Variants in RAD51B observed in about 807,000 individuals in gnomAD.
RAD51B encodes the protein DNA repair protein RAD51 homolog 2.
A neutral mutation model predicts 42.2 loss-of-function variants in RAD51B; 38 were observed. The ratio of observed to expected loss-of-function variants is 0.90; its 90% CI spans 0.70 to 1.18. The LOEUF is 1.18. RAD51B is among the 50% of genes most tolerant of loss of function. The pLI is 0.00. For synonymous variants in RAD51B, 154 were observed against 145.2 expected (o/e 1.06, Z -0.43); for missense variants, 373 against 400.7 (o/e 0.93, Z 0.59).
At chr14:68,058,659 C>T (rs759357047) in intron 7 of RAD51B, among the ~76,000 whole-genome samples, 2 of 152,128 alleles carry the variant, frequency 1.3e-5, no homozygotes, top group African/African-American at 4.8e-5. Context: ...TTTAACCAAA[C>T]ATTATTGCTG....
chr14:68,643,487 G>A (rs1251416618), intron 10 of RAD51B, among the ~76,000 whole-genome samples: 1 of 152,206 alleles, frequency 6.6e-6, no homozygotes, highest in Non-Finnish European at 1.5e-5. Context: ...AGAGGAGGAT[G>A]GGAGTGGTGG....
intron 7 of RAD51B, among the ~76,000 whole-genome samples, chr14:67,955,775 G>A (rs2074535096): frequency 6.6e-6 from 1 of 152,224 alleles, no homozygotes; most frequent in Non-Finnish European, 1.5e-5. Context: ...GGACTGTGTA[G>A]ACAAGACAGA....
intron 7 of RAD51B, among the ~76,000 whole-genome samples, chr14:68,141,998 CT>C (rs1176621052): frequency 1.3e-5 from 2 of 152,098 alleles, no homozygotes; most frequent in African/African-American, 4.8e-5. Flanking sequence ...ATTTTGAGTG[CT>C]TTTATGTCAG....
chr14:68,534,539 T>C (rs542570178), intron 10 of RAD51B, among the ~76,000 whole-genome samples: 1 of 152,038 alleles, frequency 6.6e-6, no homozygotes, highest in East Asian at 1.9e-4. Context: ...GACAGTGAGA[T>C]AAAAAACAAC....
intron 9 of RAD51B, among the ~76,000 whole-genome samples, chr14:68,437,984 A>C (rs1321871968): frequency 6.6e-6 from 1 of 152,174 alleles, no homozygotes; most frequent in Admixed American, 6.5e-5. Flanking sequence ...GTCCTTCTTT[A>C]GTGCTACAGG....
intron 7 of RAD51B, among the ~76,000 whole-genome samples, chr14:68,213,261 C>G (rs905623033): frequency 6.6e-6 from 1 of 152,172 alleles, no homozygotes; most frequent in African/African-American, 2.4e-5. Flanking sequence ...TATGACTTCT[C>G]TCATTTAATC....
At chr14:68,029,848 A>G (rs2076013830) in intron 7 of RAD51B, among the ~76,000 whole-genome samples, 1 of 152,220 alleles carries the variant, frequency 6.6e-6, no homozygotes, top group Non-Finnish European at 1.5e-5. Flanking sequence ...AAGTAATAAG[A>G]CTTGAAAGTT....
intron 8 of RAD51B, among the ~76,000 whole-genome samples, chr14:68,365,250 G>A (rs2083117247): frequency 6.6e-6 from 1 of 152,260 alleles, no homozygotes; most frequent in East Asian, 1.9e-4. Context: ...GAATAAAGAG[G>A]AGGCAGGTTC....
At chr14:67,931,500 CTTTT>C (rs539507230) in intron 7 of RAD51B, among the ~76,000 whole-genome samples, 2 of 117,560 alleles carry the variant, frequency 1.7e-5, no homozygotes, top group Non-Finnish European at 1.8e-5. Flanking sequence ...TCTGGGATTT[CTTTT>C]TTTTTTTTTT....
intron 10 of RAD51B, among the ~76,000 whole-genome samples, chr14:68,524,149 G>A (rs1566925402): frequency 6.6e-6 from 1 of 152,166 alleles, no homozygotes; most frequent in Admixed American, 6.5e-5. Flanking sequence ...TGCAGACAAG[G>A]ACATTGAGAC....
rs755716986 is a variant in RAD51B at position 68,610,879 on chromosome 14, GTGTGTGTC to G, written c.1037-126_1037-119del. 3.9e-3 allele frequency: 1,708 copies of G among 442,288 alleles called. 9 individuals are homozygous for G. Among genetic ancestry groups the G allele is most frequent in the African/African-American group, 0.018 (766 of 42,016 alleles). 27.4% of individuals were successfully genotyped at this position (442,288 alleles called of 1,614,324 possible). ...TGTGTGTGTGTGTGTGTGTGTGTGT[GTGTGTGTC>G]ATCTCCCTAGTTGTGTAACCCTGCA... On this transcript the variant is annotated intron_variant, in intron 10 of 10. Transcript: ENST00000487861.
chr14:68,365,424 T>C (rs1350744314), intron 8 of RAD51B, among the ~76,000 whole-genome samples: 1 of 152,386 alleles, frequency 6.6e-6, no homozygotes, highest in East Asian at 1.9e-4. Context: ...AGAGCTTACA[T>C]GCGTAAACAT....
chr14:68,371,500 C>A lies in RAD51B; in HGVS notation c.854-39924C>A, dbSNP rs531271467. Among the ~76,000 whole-genome samples, 109 of 151,072 alleles carry A rather than the reference C, an allele frequency of 7.2e-4. 1 individual carries two copies. Among genetic ancestry groups the A allele is most frequent in the South Asian group, 1.3e-3 (6 of 4,756 alleles). ...GCCACTGCATTTCAGCCTGGCGACA[C>A]AATGAGACTCCATCTGAAGAAAAAA... On this transcript the variant is annotated intron_variant, in intron 8 of 10. Coordinates refer to ENST00000471583, the MANE Select transcript of RAD51B (RefSeq NM_133510.4).
At chr14:68,602,548 A>AG in intron 10 of RAD51B, among the ~76,000 whole-genome samples, 1 of 151,830 alleles carries the variant, frequency 6.6e-6, no homozygotes, top group African/African-American at 2.4e-5. Flanking sequence ...ATAGATAGAT[A>AG]ATACATGATA....
chr14:68,226,483 A>G (rs192338065), intron 7 of RAD51B, among the ~76,000 whole-genome samples: 1 of 152,266 alleles, frequency 6.6e-6, no homozygotes, highest in East Asian at 1.9e-4. Context: ...TAATTGAATC[A>G]TGGTGGTGGG....
At chr14:68,133,508 G>A (rs2077942836) in intron 7 of RAD51B, among the ~76,000 whole-genome samples, 1 of 152,128 alleles carries the variant, frequency 6.6e-6, no homozygotes, top group African/African-American at 2.4e-5. Context: ...GTCTCACTGT[G>A]TTGCCCAGGC....
chr14:68,428,704 T>TC (rs2084914045), intron 9 of RAD51B, among the ~76,000 whole-genome samples: 3 of 119,412 alleles, frequency 2.5e-5, no homozygotes, highest in African/African-American at 1.1e-4. Flanking sequence ...GGCAGGATTT[T>TC]CTTTATATAT....
intron 8 of RAD51B, among the ~76,000 whole-genome samples, chr14:68,307,614 T>A (rs3784105): frequency 0.018 from 2,675 of 152,330 alleles, 67 homozygotes; most frequent in East Asian, 0.056. Flanking sequence ...GGCACACTTT[T>A]AATGGCATGC....
At chr14:68,534,084 G>A (rs1318749083) in intron 10 of RAD51B, among the ~76,000 whole-genome samples, 1 of 152,226 alleles carries the variant, frequency 6.6e-6, no homozygotes, top group African/African-American at 2.4e-5. Flanking sequence ...GCTTAACTGA[G>A]TGGTCAAAAA....
Sources: gnomAD v4.1 joint callset for allele counts (sites outside exome capture counted in the v4.1 genomes callset) on GRCh38, gnomAD v4.1.1 for gene constraint, MANE v1.5 for transcripts, NCBI Gene and HGNC (gene_info 2026-07-23, HGNC 2026-07-21) for gene names.